ADCK5: variants seen among roughly 807,000 people sequenced by gnomAD.
ADCK5 encodes uncharacterized aarF domain-containing protein kinase 5.
In ADCK5, 43 loss-of-function variants were observed where a neutral mutation model predicts 64.9. That is an observed-to-expected ratio of 0.66 (90% CI 0.52 to 0.85). The LOEUF (loss-of-function observed/expected upper bound fraction) is 0.85, where lower values mean the gene tolerates loss of function less well. Ranked by LOEUF, ADCK5 falls within the 40% of genes least tolerant of loss-of-function variation. The probability of loss-of-function intolerance (pLI) is 0.00; values close to 1 mark genes in which losing one functional copy is unlikely to be tolerated. For missense variants in ADCK5, 760 were observed against 810.5 expected (o/e 0.94, Z 0.76); for synonymous variants, 434 against 342.8 (o/e 1.27, Z -2.94).
rs1349216543 is a variant in ADCK5 at position 144,391,514 on chromosome 8, C to T, written c.798+40C>T. 11 of 1,593,410 alleles carry T rather than the reference C, an allele frequency of 6.9e-6. No individual in the cohort carries two copies. In the East Asian group the frequency reaches 1.1e-4, roughly 16 times the overall value. ...CTTCCCCGGCCAGCAGGAGCAAACA[C>T]GTAGGCAGAGCTGGTAGGAGCAGCT... On this transcript the variant is annotated intron_variant, in intron 7 of 14. Coordinates refer to ENST00000308860, the MANE Select transcript of ADCK5 (RefSeq NM_174922.5).
In ADCK5 at chr8:144,392,588, A is replaced by C. The variant is rs1248270620; in HGVS notation, c.1411A>C (p.Arg471=). The change falls in exon 13 of 15, where the codon AGG becomes CGG. Residue 471 remains arginine (R), a synonymous_variant. Transcript: ENST00000308860. The part of the protein sequence containing the change: ...ERFEAVMAVL[R]ELPRPMLLVL... ...CTTCGAGGCCGTCATGGCGGTGCTC[A>C]GGGAGCTGCCGCGGCCCATGCTGCT... The C allele has an allele frequency of 1.9e-6, 3 of 1,579,726 alleles. No homozygotes were observed. Among genetic ancestry groups the C allele is most frequent in the South Asian group, 1.1e-5 (1 of 87,806 alleles).
chr8:144,389,153 C>T, intron 3 of ADCK5: 2 of 413,096 alleles, frequency 4.8e-6, no homozygotes, highest in Non-Finnish European at 9.9e-6. Flanking sequence ...CTGGGGACAC[C>T]CCTCTACCCC....
At chr8:144,374,219 T>G (rs1268946893) in intron 1 of ADCK5, 112 bp downstream of exon 1, 1 of 942,162 alleles carries the variant, frequency 1.1e-6, no homozygotes, top group African/African-American at 1.7e-5. Flanking sequence ...TTTTTCCCTC[T>G]TTTTTTTTGA....
At position 144,393,177 on chromosome 8, in the gene ADCK5, G is replaced by C; in HGVS notation, c.*103G>C. On this transcript the variant is annotated 3_prime_UTR_variant, in exon 15 of 15. Coordinates refer to ENST00000308860, the MANE Select transcript of ADCK5 (RefSeq NM_174922.5). ...CCGAGCCCCGTGGGCACTCGCACTG[G>C]GGGGCTGTGACAGCAGCTGGGCCAG... 5.9e-6 allele frequency: 8 copies of C among 1,357,740 alleles called. No individual in the cohort carries two copies. Among genetic ancestry groups the C allele is most frequent in the South Asian group, 1.5e-5 (1 of 67,152 alleles). The allele number at this position is 1,357,740 out of a possible 1,614,324, so 84.1% of individuals were successfully genotyped here.
chr8:144,378,776 G>T (rs577980869), intron 1 of ADCK5, among the ~76,000 whole-genome samples: 7 of 151,952 alleles, frequency 4.6e-5, no homozygotes, highest in African/African-American at 1.7e-4. Context: ...CTACTCGGGG[G>T]GCTGGGGCAA....
chr8:144,388,577 A>G (rs1448912804), intron 3 of ADCK5, among the ~76,000 whole-genome samples: 30 of 151,946 alleles, frequency 2.0e-4, no homozygotes, highest in Non-Finnish European at 1.6e-4. Flanking sequence ...ATCCTGGCCA[A>G]CACGGTGAAA....
intron 1 of ADCK5, among the ~76,000 whole-genome samples, chr8:144,377,727 T>C (rs1819425677): frequency 6.6e-6 from 1 of 152,212 alleles, no homozygotes; most frequent in Non-Finnish European, 1.5e-5. Flanking sequence ...AGGGTCCCTG[T>C]CTGTGGGGTC....
rs782770096 is a variant in ADCK5 at position 144,389,270 on chromosome 8, C to T, written c.267-1401C>T. 220 of 456,758 alleles carry T rather than the reference C, an allele frequency of 4.8e-4. 1 individual carries two copies. Among genetic ancestry groups the T allele is most frequent in the Non-Finnish European group, 8.0e-4 (181 of 227,114 alleles). 28.3% of individuals were successfully genotyped at this position (456,758 alleles called of 1,614,324 possible). On this transcript the variant is annotated intron_variant, in intron 3 of 14. Coordinates refer to ENST00000308860, the MANE Select transcript of ADCK5 (RefSeq NM_174922.5). ...GGGCTCTCTTCCCTGCAGACCTTGC[C>T]TCCCCAGGCCTTGGAGACCCACCCT... is the stretch of plus-strand genomic sequence containing the variant.
upstream of ADCK5, chr8:144,373,966 C>G: frequency 9.2e-7 from 1 of 1,081,912 alleles, no homozygotes. Context: ...TGGCCTCCAG[C>G]CTCGCCCACC....
At position 144,390,645 on chromosome 8, in the gene ADCK5, G is replaced by A. The variant is rs782771261; in HGVS notation, c.267-26G>A. The A allele has an allele frequency of 1.9e-6, 3 of 1,610,846 alleles. No individual in the cohort carries two copies. The South Asian group carries it at 3.3e-5, about 18-fold the overall frequency. On this transcript the variant is annotated intron_variant, in intron 3 of 14. Coordinates refer to ENST00000308860, the MANE Select transcript of ADCK5 (RefSeq NM_174922.5). ...CCGGGGCCCCGAGCCTGCCCCGCTG[G>A]AGACTGAGGCCACCTCTGCCCGCAG... is the stretch of plus-strand genomic sequence containing the variant.
Position 144,391,012 on chromosome 8 carries a change from C to T in ADCK5, c.499C>T (p.Leu167=), listed in dbSNP as rs782022775. 2 of 1,613,000 alleles carry T rather than the reference C, an allele frequency of 1.2e-6. No individual in the cohort carries two copies. Among genetic ancestry groups the T allele is most frequent in the South Asian group, 2.2e-5 (2 of 91,084 alleles). The part of the protein sequence containing the change: ...HLLPPEYTRT[L]RVLEDRALKR... Reference sequence around the variant, plus strand: ...GCTTCCCCCCGAGTATACCCGGACCCTGCGCGTGCTAGAGGACAGGGCCCT... The same window carrying T: ...GCTTCCCCCCGAGTATACCCGGACCTTGCGCGTGCTAGAGGACAGGGCCCT... The change falls in exon 5 of 15, where the codon CTG becomes TTG. Residue 167 remains leucine, a synonymous_variant. Transcript: ENST00000308860.
chr8:144,380,322 C>G (rs1408620542), intron 2 of ADCK5, among the ~76,000 whole-genome samples: 13 of 116,476 alleles, frequency 1.1e-4, no homozygotes, highest in South Asian at 5.5e-4. Context: ...TCAGGCACCT[C>G]CCGCAGTCAG....
At chr8:144,377,012 G>A (rs1819392880) in intron 1 of ADCK5, among the ~76,000 whole-genome samples, 1 of 152,234 alleles carries the variant, frequency 6.6e-6, no homozygotes, top group Non-Finnish European at 1.5e-5. Context: ...TTTCTCCAGG[G>A]CTCTGAGCTC....
At chr8:144,373,602 G>A (rs142081939), upstream of ADCK5, among the ~76,000 whole-genome samples, 773 of 152,376 alleles carry the variant, frequency 5.1e-3, 6 homozygotes, top group African/African-American at 0.018. Flanking sequence ...CACTCTCCTG[G>A]TTGTCTTCCA....
At position 144,391,722 on chromosome 8, in the gene ADCK5, C is replaced by T; in HGVS notation, c.930+11C>T. The T allele has an allele frequency of 6.5e-7, 1 of 1,538,618 alleles. No individual in the cohort carries two copies. The highest frequency in any genetic ancestry group is 1.7e-4 in the Middle Eastern group (1 of 5,866). ...GACAAGTCCAGCAAGGTGGGCTGGG[C>T]CAGGCCCTTGGGGTGGGCACAGCGC... is the stretch of plus-strand genomic sequence containing the variant. On this transcript the variant is annotated intron_variant, in intron 8 of 14. Coordinates refer to ENST00000308860, the MANE Select transcript of ADCK5 (RefSeq NM_174922.5).
At chr8:144,383,030 C>T (rs1286071069) in intron 2 of ADCK5, 51 bp from the exon 3 acceptor site, 13 of 1,560,356 alleles carry the variant, frequency 8.3e-6, no homozygotes, top group Non-Finnish European at 1.1e-5. Context: ...GAGATCAGAG[C>T]CCAGCTGAAT....
intron 1 of ADCK5, among the ~76,000 whole-genome samples, chr8:144,375,938 T>A (rs1554857098): frequency 1.3e-5 from 2 of 152,176 alleles, no homozygotes; most frequent in African/African-American, 4.8e-5. Flanking sequence ...GGTCGTGTTC[T>A]GGGTGCGGTT....
chr8:144,391,934 T>TC lies in ADCK5; in HGVS notation c.1015-3dup. The TC allele has an allele frequency of 6.2e-7, 1 of 1,612,274 alleles. No individual in the cohort carries two copies. The highest frequency in any genetic ancestry group is 8.5e-7 in the Non-Finnish European group (1 of 1,179,944). ...TGTGTCCACTGCAATGCCTCTCCTC[T>TC]CCCCAGATAGCAGAAAAGCTCATCA... On this transcript the variant is annotated splice_polypyrimidine_tract_variant and splice_region_variant and intron_variant, in intron 9 of 14. Transcript: ENST00000308860.
Position 144,391,412 on chromosome 8 carries a change from G to A in ADCK5, c.736G>A (p.Glu246Lys). The change falls in exon 7 of 15, where the codon GAG becomes AAG. Residue 246 changes from glutamate (E) to lysine (K), a missense_variant. Physicochemically the swap from Glu to Lys is moderately conservative, Grantham distance 56 (BLOSUM62 1). Around this residue, in one of 2 missense-constraint regions of ADCK5, gnomAD observed 427 missense variants for 518.4 expected, o/e 0.82. Transcript: ENST00000308860. ...DRFDGDIHTL[E>K]LLLRLVEVMH... Reference sequence around the variant, plus strand: ...CTTTGATGGGGACATCCACACCCTGGAGCTCCTGCTGCGGCTCGTTGAGGT... The same window carrying A: ...CTTTGATGGGGACATCCACACCCTGAAGCTCCTGCTGCGGCTCGTTGAGGT... 6.2e-7 allele frequency: 1 copy of A among 1,613,230 alleles called. No homozygotes were observed. Among genetic ancestry groups the A allele is most frequent in the Non-Finnish European group, 8.5e-7 (1 of 1,180,006 alleles).
Sources: gnomAD v4.1 joint callset for allele counts (sites outside exome capture counted in the v4.1 genomes callset) on GRCh38, gnomAD v4.1.1 for gene constraint, gnomAD v4.1.1 regional missense constraint, MANE v1.5 for transcripts, NCBI Gene and HGNC (gene_info 2026-07-23, HGNC 2026-07-21) for gene names.